The following ZNF813 variants were observed in gnomAD, a reference collection of about 807,000 sequenced individuals.
ZNF813 encodes zinc finger protein 813.
In ZNF813, 3 loss-of-function variants were observed where a neutral mutation model predicts 7.2. The ratio of observed to expected loss-of-function variants is 0.42; its 90% CI spans 0.19 to 1.08. The LOEUF (loss-of-function observed/expected upper bound fraction) is 1.08. Among genes scored for constraint, ZNF813 ranks in the 50% least tolerant of loss-of-function variants. ZNF813 has a pLI of 0.30. For missense variants in ZNF813, 714 were observed against 753.3 expected (o/e 0.95, Z 0.61); for synonymous variants, 227 against 256.3 (o/e 0.89, Z 1.09).
intron 1 of ZNF813, among the ~76,000 whole-genome samples, chr19:53,482,665 A>G (rs1269132034): frequency 7.6e-6 from 1 of 131,674 alleles, no homozygotes; most frequent in East Asian, 2.4e-4. Context: ...CTATCACGTT[A>G]CTCAGGTTCT....
rs376867653 is a variant in ZNF813 at position 53,490,822 on chromosome 19, G to A, written c.590G>A (p.Arg197Gln). The change falls in exon 4 of 4, where the codon CGG becomes CAG. Residue 197 changes from arginine (R) to glutamine (Q), a missense_variant. Arg to Gln is a conservative substitution (Grantham distance 43, BLOSUM62 1). Coordinates refer to ENST00000396403, the MANE Select transcript of ZNF813 (RefSeq NM_001004301.4). ...HISNNYGNNFRNSSLLTQKQE... is the reference protein window; with the variant it reads ...HISNNYGNNFQNSSLLTQKQE... ...TCTAATAACTATGGGAATAATTTCC[G>A]GAATTCTTCGTTACTCACACAAAAA... 48 of 1,613,970 alleles carry A rather than the reference G, an allele frequency of 3.0e-5. No homozygotes were observed. The highest frequency in any genetic ancestry group is 2.0e-4 in the African/African-American group (15 of 74,894).
At chr19:53,487,275 A>C (rs1428495573) in intron 3 of ZNF813, among the ~76,000 whole-genome samples, 1 of 152,078 alleles carries the variant, frequency 6.6e-6, no homozygotes, top group Non-Finnish European at 1.5e-5. Context: ...GATGGAGAAG[A>C]CCTTACCATT....
At chr19:53,476,682 C>T (rs1428130797) in intron 1 of ZNF813, among the ~76,000 whole-genome samples, 2 of 151,550 alleles carry the variant, frequency 1.3e-5, no homozygotes, top group African/African-American at 4.8e-5. Flanking sequence ...GAGACGGAGT[C>T]TCACTCTGTC....
Position 53,471,580 on chromosome 19 carries a change from C to T in ZNF813, c.-74+3791C>T, listed in dbSNP as rs189188953. On this transcript the variant is annotated intron_variant, in intron 1 of 3. Transcript: ENST00000396403. ...ATCCCAGCACTTTGGGAGGCTGATG[C>T]GGGTGGATCACAAGGTCAGGAGATC... 3.9e-3 allele frequency among the ~76,000 whole-genome samples: 600 copies of T among 151,984 alleles called. 4 individuals are homozygous for T. Among genetic ancestry groups the T allele is most frequent in the African/African-American group, 0.014 (579 of 41,432 alleles).
chr19:53,472,135 A>G (rs1230830127), intron 1 of ZNF813, among the ~76,000 whole-genome samples: 1 of 152,140 alleles, frequency 6.6e-6, no homozygotes, highest in African/African-American at 2.4e-5. Flanking sequence ...GTGTGGAGAC[A>G]TGTATGGGGT....
intron 1 of ZNF813, among the ~76,000 whole-genome samples, chr19:53,471,875 C>G (rs1013131256): frequency 6.7e-6 from 1 of 149,874 alleles, no homozygotes; most frequent in South Asian, 2.1e-4. Context: ...GTTAAATTAT[C>G]TTGTGACATT....
At chr19:53,487,726 A>C (rs913715274) in intron 3 of ZNF813, among the ~76,000 whole-genome samples, 1 of 146,444 alleles carries the variant, frequency 6.8e-6, no homozygotes, top group African/African-American at 2.5e-5. Context: ...TGAACCTGGG[A>C]GGTGAAGGTT....
At chr19:53,479,733 C>T (rs1233439577) in intron 1 of ZNF813, 11 of 1,216,612 alleles carry the variant, frequency 9.0e-6, no homozygotes, top group Non-Finnish European at 1.3e-5. Flanking sequence ...GAAGAGGTGG[C>T]TCGTAAGTTG....
rs199522697 is a variant in ZNF813 at position 53,490,605 on chromosome 19, C to T, written c.373C>T (p.Arg125Ter). The T allele has an allele frequency of 8.9e-5, 143 of 1,614,092 alleles. 1 individual carries two copies. The highest frequency in any genetic ancestry group is 7.2e-4 in the Admixed American group (43 of 60,026). ...EIKKLTGSAD[R>*]YDQRHAGNKP... ...CAAAAAGTTGACTGGTAGTGCAGAC[C>T]GATATGATCAAAGGCATGCTGGAAA... is the stretch of plus-strand genomic sequence containing the variant. Residue 125 changes from arginine (R) to a stop codon, truncating the protein, a stop_gained, in exon 4 of 4, where the codon CGA becomes TGA. Transcript: ENST00000396403. LOFTEE classifies it low-confidence loss of function (END_TRUNC).
chr19:53,470,165 T>TCC (rs1568825776), intron 1 of ZNF813, among the ~76,000 whole-genome samples: 7 of 68,638 alleles, frequency 1.0e-4, no homozygotes, highest in East Asian at 2.7e-4. Flanking sequence ...TTCTTTTTCT[T>TCC]TTCTTTTCTT....
rs370485402 is a variant in ZNF813 at position 53,490,737 on chromosome 19, A to C, written c.505A>C (p.Asn169His). 6 of 1,614,120 alleles carry C rather than the reference A, an allele frequency of 3.7e-6. No homozygotes were observed. The highest frequency in any genetic ancestry group is 1.1e-5 in the South Asian group (1 of 91,084). Residue 169 changes from asparagine (N) to histidine (H), a missense_variant, in exon 4 of 4, where the codon AAC becomes CAC. Transcript: ENST00000396403. ...KIGNQVEKSI[N>H]DASSISTSQR... is the part of the protein sequence containing the mutation. The stretch of plus-strand genomic sequence containing the variant: ...TGGTAATCAAGTGGAGAAGTCTATC[A>C]ACGATGCTTCCTCAATTTCAACATC...
chr19:53,488,591 T>C (rs1350863817), intron 3 of ZNF813, among the ~76,000 whole-genome samples: 1 of 150,656 alleles, frequency 6.6e-6, no homozygotes, highest in African/African-American at 2.4e-5. Flanking sequence ...TGTATTTTTT[T>C]TTTTTTTGTA....
chr19:53,473,118 G>C (rs2086367333), intron 1 of ZNF813, among the ~76,000 whole-genome samples: 2 of 152,194 alleles, frequency 1.3e-5, no homozygotes, highest in South Asian at 4.1e-4. Flanking sequence ...GGACAGAAGA[G>C]GGCCTTGCCT....
intron 1 of ZNF813, among the ~76,000 whole-genome samples, chr19:53,470,730 T>C (rs1227893426): frequency 6.6e-6 from 1 of 150,962 alleles, no homozygotes; most frequent in African/African-American, 2.5e-5. Flanking sequence ...ATAATTTTTT[T>C]ATTCTTGCAG....
chr19:53,480,192 AT>A, intron 1 of ZNF813: 2 of 757,386 alleles, frequency 2.6e-6, no homozygotes, highest in Non-Finnish European at 4.8e-6. Flanking sequence ...CTGATCTTCA[AT>A]TGGAAGGCTG....
chr19:53,473,385 A>G (rs2086368447), intron 1 of ZNF813, among the ~76,000 whole-genome samples: 1 of 152,102 alleles, frequency 6.6e-6, no homozygotes, highest in Admixed American at 6.5e-5. Flanking sequence ...TCAGCTGTGC[A>G]TAGACTGGTC....
chr19:53,488,198 G>T (rs2086443044), intron 3 of ZNF813: 1 of 452,886 alleles, frequency 2.2e-6, no homozygotes, highest in African/African-American at 2.0e-5. Context: ...CTAATTTTGT[G>T]TTTTAATAGA....
At chr19:53,484,585 T>G (rs558296839) in intron 2 of ZNF813, among the ~76,000 whole-genome samples, 1 of 152,208 alleles carries the variant, frequency 6.6e-6, no homozygotes, top group East Asian at 1.9e-4. Flanking sequence ...ATTTTAAATA[T>G]ATGAAGTCTT....
chr19:53,477,772 G>T (rs2086388832), intron 1 of ZNF813, among the ~76,000 whole-genome samples: 2 of 152,190 alleles, frequency 1.3e-5, no homozygotes, highest in African/African-American at 4.8e-5. Context: ...AGTGAGCCGA[G>T]ATCATGCCAC....
Sources: allele counts gnomAD v4.1 joint callset (sites outside exome capture counted in the v4.1 genomes callset), GRCh38; gene constraint gnomAD v4.1.1; transcripts MANE v1.5; gene names NCBI Gene and HGNC (gene_info 2026-07-23, HGNC 2026-07-21).